Variants in NUSAP1 observed in about 807,000 individuals in gnomAD.
NUSAP1 encodes nucleolar and spindle-associated protein 1.
NUSAP1 carries 32 observed loss-of-function variants against 52.8 expected under a neutral mutation model. That is an observed-to-expected ratio of 0.61 (90% CI 0.46 to 0.81). The LOEUF is 0.81. Ranked by LOEUF, NUSAP1 falls within the 40% of genes least tolerant of loss-of-function variation. The pLI is 0.00. For synonymous variants in NUSAP1, 195 were observed against 183.1 expected, an observed-to-expected ratio of 1.06 and a Z score of -0.52; for missense variants, 499 against 522.3, an observed-to-expected ratio of 0.96 and a Z score of 0.43.
intron 6 of NUSAP1, among the ~76,000 whole-genome samples, chr15:41,363,830 GC>G (rs1407927544): frequency 5.3e-5 from 8 of 152,094 alleles, no homozygotes; most frequent in African/African-American, 1.9e-4. Flanking sequence ...TACTCTTTGT[GC>G]CTTGACAATA....
chr15:41,354,348 T>G (rs1184945991), intron 4 of NUSAP1, among the ~76,000 whole-genome samples: 2 of 152,046 alleles, frequency 1.3e-5, no homozygotes, highest in African/African-American at 4.8e-5. Context: ...CTACTAAAAA[T>G]ACAAAAATTA....
At chr15:41,359,431 T>C (rs1420118650) in intron 6 of NUSAP1, among the ~76,000 whole-genome samples, 1 of 152,176 alleles carries the variant, frequency 6.6e-6, no homozygotes, top group Admixed American at 6.6e-5. Flanking sequence ...ATTAGCACTG[T>C]TAGTAGGTAC....
At chr15:41,350,122 G>T (rs1205293415) in intron 3 of NUSAP1, among the ~76,000 whole-genome samples, 1 of 152,074 alleles carries the variant, frequency 6.6e-6, no homozygotes, top group African/African-American at 2.4e-5. Context: ...GTAAACTGAG[G>T]AACGGAGAGA....
chr15:41,358,799 C>T (rs998191394), intron 6 of NUSAP1, among the ~76,000 whole-genome samples: 2 of 152,224 alleles, frequency 1.3e-5, no homozygotes, highest in African/African-American at 4.8e-5. Context: ...TGTCATTCTA[C>T]TTTCCATATT....
At chr15:41,379,374 T>C (rs552849994) in intron 10 of NUSAP1, among the ~76,000 whole-genome samples, 1 of 151,214 alleles carries the variant, frequency 6.6e-6, no homozygotes, top group Admixed American at 6.6e-5. Context: ...ATAGCTTACT[T>C]TGGCCTTGAA....
rs537510513 is a variant in NUSAP1 at position 41,348,754 on chromosome 15, T to C, written c.163-344T>C. 9.2e-5 allele frequency among the ~76,000 whole-genome samples: 14 copies of C among 152,294 alleles called. No individual in the cohort carries two copies. The East Asian group carries it at 1.5e-3, about 17-fold the overall frequency. On this transcript the variant is annotated intron_variant, in intron 2 of 10. Transcript: ENST00000559596. The stretch of plus-strand genomic sequence containing the variant: ...TGCCGGGTCAAGTGATTATCCTGCC[T>C]CAGCCTTCCAAGTAGCTGGGATTAC...
rs1158927517 is a variant in NUSAP1 at position 41,381,003 on chromosome 15, A to G, written c.*817A>G. ...CACCTCAGTGGAGCTTCTGAGTTTTATACTGCTCAAGATCGTCATAAATAA... is the reference window on the plus strand; with the variant it reads ...CACCTCAGTGGAGCTTCTGAGTTTTGTACTGCTCAAGATCGTCATAAATAA... On this transcript the variant is annotated 3_prime_UTR_variant, in exon 11 of 11. Coordinates refer to ENST00000559596, the MANE Select transcript of NUSAP1 (RefSeq NM_016359.5). The G allele has an allele frequency of 1.3e-5, 2 of 152,338 alleles. No homozygotes were observed. Among genetic ancestry groups the G allele is most frequent in the Middle Eastern group, 3.4e-3 (1 of 294 alleles). 9.4% of individuals were successfully genotyped at this position (152,338 alleles called of 1,614,324 possible).
chr15:41,371,702 CAA>C lies in NUSAP1; in HGVS notation c.1006+21_1006+22del, dbSNP rs1595598410. ...TGCTGCTGGTAAAAAAAAAAAAAAA[CAA>C]AAGAAATCTGTTTCATTTTTAAGCC... On this transcript the variant is annotated intron_variant, in intron 8 of 10. Coordinates refer to ENST00000559596, the MANE Select transcript of NUSAP1 (RefSeq NM_016359.5). The C allele has an allele frequency of 7.1e-7, 1 of 1,406,760 alleles. No homozygotes were observed. The highest frequency in any genetic ancestry group is 9.6e-7 in the Non-Finnish European group (1 of 1,039,984). 87.1% of individuals were successfully genotyped at this position (1,406,760 alleles called of 1,614,324 possible). A position where few individuals can be genotyped will look rare whatever the true frequency, so the allele number is the denominator to read the frequency against.
intron 1 of NUSAP1, among the ~76,000 whole-genome samples, chr15:41,339,193 G>A (rs1052338379): frequency 6.6e-6 from 1 of 152,106 alleles, no homozygotes; most frequent in African/African-American, 2.4e-5. Flanking sequence ...CTTTTCCTGA[G>A]TACACTAATG....
chr15:41,375,927 G>A (rs1005154075), intron 9 of NUSAP1, 99 bp downstream of exon 9: 10 of 745,456 alleles, frequency 1.3e-5, no homozygotes, highest in Middle Eastern at 2.4e-4. Flanking sequence ...TTAGCCAGGC[G>A]TGGTGGCAGG....
chr15:41,363,958 A>G (rs2049286747), intron 6 of NUSAP1, among the ~76,000 whole-genome samples: 1 of 152,004 alleles, frequency 6.6e-6, no homozygotes, highest in African/African-American at 2.4e-5. Flanking sequence ...AGAGGATAGA[A>G]TTATTTGTAG....
Position 41,358,199 on chromosome 15 carries a change from C to A in NUSAP1, c.601C>A (p.Gln201Lys). The A allele has an allele frequency of 6.3e-7, 1 of 1,578,042 alleles. No individual in the cohort carries two copies. The highest frequency in any genetic ancestry group is 1.1e-5 in the South Asian group (1 of 88,752). The change falls in exon 6 of 11, where the codon CAA becomes AAA. Residue 201 changes from glutamine to lysine, a missense_variant. By Grantham distance (53) the Gln-to-Lys change is moderately conservative (BLOSUM62 1). Transcript: ENST00000559596. ...TTTTAAGGAAATGGAGTCCATTGAT[C>A]AATATATTGAGAGAAAAAAGAAACA... ...AHFKEMESID[Q>K]YIERKKKHFE... is the part of the protein sequence containing the mutation.
At chr15:41,350,776 A>G (rs948421592) in intron 3 of NUSAP1, among the ~76,000 whole-genome samples, 1 of 151,994 alleles carries the variant, frequency 6.6e-6, no homozygotes, top group African/African-American at 2.4e-5. Context: ...TGCCATTTCT[A>G]TTTTCCTCTT....
At chr15:41,379,377 G>A (rs2050120130) in intron 10 of NUSAP1, among the ~76,000 whole-genome samples, 1 of 151,578 alleles carries the variant, frequency 6.6e-6, no homozygotes, top group South Asian at 2.1e-4. Flanking sequence ...GCTTACTTTG[G>A]CCTTGAACTC....
chr15:41,349,766 C>CTTTTTTTT (rs1181209511), intron 3 of NUSAP1, among the ~76,000 whole-genome samples: 1 of 123,544 alleles, frequency 8.1e-6, no homozygotes, highest in Non-Finnish European at 1.7e-5. Context: ...TTTTTCTTTT[C>CTTTTTTTT]TTTTTTTTTT....
intron 7 of NUSAP1, among the ~76,000 whole-genome samples, chr15:41,371,022 T>G (rs941438349): frequency 6.6e-6 from 1 of 152,168 alleles, no homozygotes; most frequent in African/African-American, 2.4e-5. Context: ...TATCAGTCAA[T>G]CAATCAAATA....
Position 41,346,354 on chromosome 15 carries a change from C to T in NUSAP1, c.163-2744C>T, listed in dbSNP as rs2048567954. Reference sequence around the variant, plus strand: ...TGAGATGGGGTCTCACTCTATCACCCAGGCTGGAGTGCAGTGGCATAATCA... The same window carrying T: ...TGAGATGGGGTCTCACTCTATCACCTAGGCTGGAGTGCAGTGGCATAATCA... On this transcript the variant is annotated intron_variant, in intron 2 of 10. Transcript: ENST00000559596. Among the ~76,000 whole-genome samples the T allele has an allele frequency of 2.0e-5, 3 of 151,874 alleles. No individual in the cohort carries two copies. The South Asian group carries it at 6.2e-4, about 32-fold the overall frequency.
chr15:41,378,944 G>GTTTTTTTTTTTTTTTTTTTTTTT lies in NUSAP1; in HGVS notation c.1233-1144_1233-1122dup, dbSNP rs1187469450. 3.8e-4 allele frequency among the ~76,000 whole-genome samples: 24 copies of GTTTTTTTTTTTTTTTTTTTTTTT among 63,262 alleles called. 7 individuals are homozygous for GTTTTTTTTTTTTTTTTTTTTTTT. Among genetic ancestry groups the GTTTTTTTTTTTTTTTTTTTTTTT allele is most frequent in the Non-Finnish European group, 5.7e-4 (21 of 36,620 alleles). The allele number at this position is 63,262 out of a possible 152,430, so 41.5% of individuals were successfully genotyped here. ...CCCAAGATTATATTAACTTATCTTG[G>GTTTTTTTTTTTTTTTTTTTTTTT]TTTTTTTTTTTTTTTTTTTTTTTTT... On this transcript the variant is annotated intron_variant, in intron 10 of 10. Transcript: ENST00000559596.
chr15:41,377,370 G>A (rs2049985811), intron 10 of NUSAP1, 66 bp downstream of exon 10: 1 of 837,714 alleles, frequency 1.2e-6, no homozygotes, highest in Admixed American at 2.8e-5. Context: ...TGAGGGATAG[G>A]GGCTCAGTAA....
Sources: gnomAD v4.1 joint callset for allele counts (sites outside exome capture counted in the v4.1 genomes callset) on GRCh38, gnomAD v4.1.1 for gene constraint, MANE v1.5 for transcripts, NCBI Gene and HGNC (gene_info 2026-07-23, HGNC 2026-07-21) for gene names.